The following UVRAG variants were observed in gnomAD, a reference collection of about 807,000 sequenced individuals.
UVRAG encodes UV radiation resistance associated.
Under a neutral mutation model 78.0 loss-of-function variants are expected in UVRAG, and 19 were observed. That is an observed-to-expected ratio of 0.24 (90% CI 0.17 to 0.36). The LOEUF is 0.36. Among genes scored for constraint, UVRAG ranks in the 10% least tolerant of loss-of-function variants. The pLI is 1.00. For synonymous variants in UVRAG, 323 were observed against 324.6 expected, an observed-to-expected ratio of 1.00 and a Z score of 0.05; for missense variants, 740 against 853.8, an observed-to-expected ratio of 0.87 and a Z score of 1.66.
At chr11:75,866,638 G>C (rs1306548362) in intron 3 of UVRAG, among the ~76,000 whole-genome samples, 2 of 151,762 alleles carry the variant, frequency 1.3e-5, no homozygotes, top group Non-Finnish European at 2.9e-5. Context: ...CCATATAATA[G>C]CTTTTTGTAT....
intron 6 of UVRAG, among the ~76,000 whole-genome samples, chr11:75,923,888 ATGT>A (rs1948030813): frequency 6.6e-6 from 1 of 152,208 alleles, no homozygotes; most frequent in Non-Finnish European, 1.5e-5. Context: ...AACTACTCTA[ATGT>A]TGTAGTTAGA....
chr11:75,851,281 G>T (rs1038629966), intron 1 of UVRAG, among the ~76,000 whole-genome samples: 1 of 152,224 alleles, frequency 6.6e-6, no homozygotes, highest in African/African-American at 2.4e-5. Context: ...TGGAGAAATT[G>T]TTAGGAAGGA....
chr11:76,083,689 C>G (rs1356487699), intron 13 of UVRAG, among the ~76,000 whole-genome samples: 1 of 152,100 alleles, frequency 6.6e-6, no homozygotes, highest in African/African-American at 2.4e-5. Context: ...TATAACCAAG[C>G]CAAAAAATTT....
chr11:75,858,262 C>T (rs1565348759), intron 2 of UVRAG, among the ~76,000 whole-genome samples: 1 of 152,180 alleles, frequency 6.6e-6, no homozygotes, highest in Non-Finnish European at 1.5e-5. Context: ...ACCACTGTTA[C>T]TCATTTCTTG....
intron 13 of UVRAG, among the ~76,000 whole-genome samples, chr11:76,115,423 C>T (rs561185491): frequency 2.6e-4 from 39 of 152,222 alleles, no homozygotes; most frequent in Non-Finnish European, 5.1e-4. Context: ...AGTACCAGCA[C>T]TATGCCAGAC....
chr11:75,995,668 C>T (rs923924384), intron 8 of UVRAG, among the ~76,000 whole-genome samples: 1 of 151,880 alleles, frequency 6.6e-6, no homozygotes, highest in Non-Finnish European at 1.5e-5. Flanking sequence ...ATCAAAAGCT[C>T]ATAGGTTTCT....
chr11:75,872,003 C>T (rs1268217890), intron 3 of UVRAG, among the ~76,000 whole-genome samples: 7 of 152,126 alleles, frequency 4.6e-5, no homozygotes, highest in Non-Finnish European at 1.0e-4. Context: ...ATAAACAAAT[C>T]CCGAACAAGT....
intron 5 of UVRAG, among the ~76,000 whole-genome samples, chr11:75,898,749 C>T (rs1249828613): frequency 2.6e-5 from 4 of 152,102 alleles, no homozygotes; most frequent in African/African-American, 9.7e-5. Flanking sequence ...CTTATAGCGT[C>T]TTAGGGGGGC....
intron 1 of UVRAG, among the ~76,000 whole-genome samples, chr11:75,831,536 A>G (rs1431585356): frequency 1.3e-5 from 2 of 152,116 alleles, no homozygotes; most frequent in Non-Finnish European, 2.9e-5. Flanking sequence ...GGGTAAGACA[A>G]ATATGTCACT....
At chr11:76,016,316 A>C (rs1336252484) in intron 11 of UVRAG, among the ~76,000 whole-genome samples, 1 of 152,186 alleles carries the variant, frequency 6.6e-6, no homozygotes, top group Non-Finnish European at 1.5e-5. Flanking sequence ...TTCAATATCA[A>C]GAACATACCC....
At chr11:76,083,177 T>C (rs1436001382) in intron 13 of UVRAG, among the ~76,000 whole-genome samples, 2 of 152,226 alleles carry the variant, frequency 1.3e-5, no homozygotes, top group African/African-American at 2.4e-5. Context: ...TCTTTATTCC[T>C]AGTCTTCACA....
At chr11:75,889,786 A>G (rs1188537769) in intron 5 of UVRAG, among the ~76,000 whole-genome samples, 1 of 152,260 alleles carries the variant, frequency 6.6e-6, no homozygotes, top group African/African-American at 2.4e-5. Flanking sequence ...TGTGGAGTAT[A>G]TATGCAAGAG....
chr11:75,937,095 C>T (rs972379164), intron 6 of UVRAG, among the ~76,000 whole-genome samples: 4 of 152,182 alleles, frequency 2.6e-5, no homozygotes, highest in South Asian at 2.1e-4. Flanking sequence ...TTAGGCTGGG[C>T]GCGGTGGCTC....
chr11:75,851,096 T>C (rs1946144699), intron 1 of UVRAG, among the ~76,000 whole-genome samples: 1 of 152,238 alleles, frequency 6.6e-6, no homozygotes, highest in African/African-American at 2.4e-5. Context: ...GGGAACTAGC[T>C]TTTGGGGATG....
chr11:76,052,495 G>A (rs1242164341), intron 12 of UVRAG, among the ~76,000 whole-genome samples: 1 of 152,254 alleles, frequency 6.6e-6, no homozygotes, highest in Non-Finnish European at 1.5e-5. Context: ...TCTAGCCACT[G>A]CTGAACTCAT....
chr11:76,056,046 C>T (rs1418365989), intron 12 of UVRAG, among the ~76,000 whole-genome samples: 4 of 152,182 alleles, frequency 2.6e-5, no homozygotes, highest in African/African-American at 9.7e-5. Flanking sequence ...TTCTGAGTTC[C>T]ATCAAATACA....
intron 1 of UVRAG, among the ~76,000 whole-genome samples, chr11:75,825,917 A>G (rs1040634149): frequency 1.1e-4 from 17 of 150,392 alleles, no homozygotes; most frequent in African/African-American, 3.7e-4. Flanking sequence ...GCTCACTGCA[A>G]CCTCCACCTC....
chr11:76,113,977 A>C (rs1177238313), intron 13 of UVRAG, among the ~76,000 whole-genome samples: 1 of 152,216 alleles, frequency 6.6e-6, no homozygotes. Context: ...TGGTCTCTGA[A>C]AACAGTTCAA....
At chr11:75,961,306 C>A in intron 6 of UVRAG, 138 bp from the exon 7 acceptor site, 1 of 653,888 alleles carries the variant, frequency 1.5e-6, no homozygotes, top group Non-Finnish European at 2.5e-6. Context: ...TATTTCATTG[C>A]GAATATGCTA....
Sources: allele counts gnomAD v4.1 joint callset (sites outside exome capture counted in the v4.1 genomes callset), GRCh38; gene constraint gnomAD v4.1.1; transcripts MANE v1.5; gene names NCBI Gene and HGNC (gene_info 2026-07-23, HGNC 2026-07-21).